The following HECW1 variants were observed in gnomAD, a reference collection of about 807,000 sequenced individuals.
The protein encoded by HECW1 is HECT, C2 and WW domain containing E3 ubiquitin protein ligase 1.
In HECW1, 61 loss-of-function variants were observed where a neutral mutation model predicts 182.3. The ratio of observed to expected loss-of-function variants is 0.33; its 90% CI spans 0.27 to 0.41. HECW1 has a LOEUF of 0.41. Ranked by LOEUF, HECW1 falls within the 10% of genes least tolerant of loss-of-function variation. HECW1 has a pLI of 1.00. For synonymous variants in HECW1, 859 were observed against 832.6 expected, an observed-to-expected ratio of 1.03 and a Z score of -0.55; for missense variants, 1,739 against 2,108.9, an observed-to-expected ratio of 0.82 and a Z score of 3.44.
Position 43,508,002 on chromosome 7 carries a change from C to A in HECW1, c.3753-16C>A. 1 of 1,589,670 alleles carries A rather than the reference C, an allele frequency of 6.3e-7. No homozygotes were observed. Among genetic ancestry groups the A allele is most frequent in the Non-Finnish European group, 8.6e-7 (1 of 1,157,828 alleles). ...TGACTTCAGGGCCACTGCTCACCAC[C>A]CCTTCTCCTTCTCAGGCTCATTATT... On this transcript the variant is annotated splice_polypyrimidine_tract_variant and intron_variant, in intron 22 of 29. Transcript: ENST00000395891.
chr7:43,309,686 G>C (rs1164810858), intron 3 of HECW1, among the ~76,000 whole-genome samples: 1 of 152,178 alleles, frequency 6.6e-6, no homozygotes, highest in Non-Finnish European at 1.5e-5. Flanking sequence ...CCAGTATATA[G>C]AGCACCTTTA....
At chr7:43,245,894 A>G (rs1370460471) in intron 3 of HECW1, 1 of 152,208 alleles carries the variant, frequency 6.6e-6, no homozygotes. Flanking sequence ...AAGGGAATCT[A>G]TGGCCCCATA....
At chr7:43,550,695 A>G (rs1047370839) in intron 27 of HECW1, 104 bp downstream of exon 27, 47 of 1,202,734 alleles carry the variant, frequency 3.9e-5, no homozygotes, top group Non-Finnish European at 4.8e-5. Context: ...GGTGGTGAAA[A>G]CAGAGAGGGA....
intron 5 of HECW1, among the ~76,000 whole-genome samples, chr7:43,326,489 T>A (rs1032510527): frequency 1.3e-5 from 2 of 152,150 alleles, no homozygotes; most frequent in Admixed American, 6.5e-5. Context: ...GTGATATATG[T>A]CCTCCACAAG....
chr7:43,445,741 G>A (rs2077035722), intron 11 of HECW1, among the ~76,000 whole-genome samples, 171 bp downstream of exon 11: 1 of 152,224 alleles, frequency 6.6e-6, no homozygotes, highest in Non-Finnish European at 1.5e-5. Flanking sequence ...TATGAGCATA[G>A]ATGACTGTGA....
intron 24 of HECW1, among the ~76,000 whole-genome samples, chr7:43,525,495 A>G (rs910383482): frequency 1.3e-5 from 2 of 152,344 alleles, no homozygotes; most frequent in South Asian, 2.1e-4. Flanking sequence ...TTTGACAACA[A>G]CAGAAACTGG....
intron 6 of HECW1, among the ~76,000 whole-genome samples, chr7:43,389,766 A>G (rs2074947715): frequency 6.6e-6 from 1 of 151,954 alleles, no homozygotes; most frequent in South Asian, 2.1e-4. Context: ...TCAGCCTCCC[A>G]AGTAACTGGG....
chr7:43,200,064 T>C (rs766441205), intron 2 of HECW1, among the ~76,000 whole-genome samples: 5 of 152,188 alleles, frequency 3.3e-5, no homozygotes, highest in Non-Finnish European at 5.9e-5. Flanking sequence ...AGAAAATTAC[T>C]TTTAAGGTCC....
intron 2 of HECW1, among the ~76,000 whole-genome samples, chr7:43,130,502 C>T (rs1786795463): frequency 6.6e-6 from 1 of 152,140 alleles, no homozygotes; most frequent in Non-Finnish European, 1.5e-5. Context: ...CACCATCATT[C>T]CTGACTCAGA....
At chr7:43,416,910 G>A (rs962718944) in intron 8 of HECW1, among the ~76,000 whole-genome samples, 8 of 152,106 alleles carry the variant, frequency 5.3e-5, no homozygotes, top group African/African-American at 1.9e-4. Flanking sequence ...CGCACCCACT[G>A]GCCTGCACCC....
chr7:43,310,027 T>C (rs531390687), intron 3 of HECW1, among the ~76,000 whole-genome samples: 43 of 152,364 alleles, frequency 2.8e-4, no homozygotes, highest in African/African-American at 1.0e-3. Flanking sequence ...TGTCCAGTGA[T>C]AGACCCACAG....
chr7:43,311,976 C>G lies in HECW1; in HGVS notation c.241C>G (p.Leu81Val), dbSNP rs1203159566. Residue 81 changes from leucine to valine, a missense_variant, in exon 4 of 30, where the codon CTC becomes GTC. This residue lies in a region of HECW1 where 279 missense variants were observed against 353.1 expected (regional missense o/e 0.79). Coordinates refer to ENST00000395891, the MANE Select transcript of HECW1 (RefSeq NM_015052.5). ...GGTCACCTCGGACAGCCGCTCCACG[C>G]TCATGGTCAGCAGCTCCTACTATTC... ...DLVTSDSRST[L>V]MVSSSYYSIG... The G allele has an allele frequency of 6.2e-7, 1 of 1,614,124 alleles. No homozygotes were observed. Among genetic ancestry groups the G allele is most frequent in the African/African-American group, 1.3e-5 (1 of 74,940 alleles).
chr7:43,227,239 G>A (rs893687863), intron 2 of HECW1, among the ~76,000 whole-genome samples: 1 of 152,134 alleles, frequency 6.6e-6, no homozygotes. Flanking sequence ...GAAATAATAT[G>A]TGAAGCAAAA....
intron 6 of HECW1, among the ~76,000 whole-genome samples, chr7:43,390,107 T>C (rs1293534723): frequency 6.6e-6 from 1 of 152,186 alleles, no homozygotes; most frequent in African/African-American, 2.4e-5. Context: ...AAATGCCTCA[T>C]TTTTCCAACC....
chr7:43,519,804 G>T (rs2080367352), intron 24 of HECW1, among the ~76,000 whole-genome samples: 1 of 152,122 alleles, frequency 6.6e-6, no homozygotes, highest in Non-Finnish European at 1.5e-5. Context: ...CATGAAAAAC[G>T]CAATTCAAAA....
chr7:43,277,889 G>A (rs1803365465), intron 3 of HECW1, among the ~76,000 whole-genome samples: 1 of 152,172 alleles, frequency 6.6e-6, no homozygotes, highest in Non-Finnish European at 1.5e-5. Context: ...GCAGCTTGAT[G>A]TGCTTCCAGG....
At chr7:43,199,699 CAT>C (rs1159886872) in intron 2 of HECW1, among the ~76,000 whole-genome samples, 8 of 152,056 alleles carry the variant, frequency 5.3e-5, no homozygotes, top group African/African-American at 1.2e-4. Flanking sequence ...ATTGATTACA[CAT>C]GTTATATATT....
chr7:43,193,946 CAAA>C (rs1260005067), intron 2 of HECW1, among the ~76,000 whole-genome samples: 1 of 152,114 alleles, frequency 6.6e-6, no homozygotes, highest in Non-Finnish European at 1.5e-5. Context: ...CAAAATATGT[CAAA>C]AAAGATATTT....
At position 43,360,868 on chromosome 7, in the gene HECW1, T is replaced by A; in HGVS notation, c.461-18T>A. The A allele has an allele frequency of 6.2e-7, 1 of 1,602,964 alleles. No individual in the cohort carries two copies. Among genetic ancestry groups the A allele is most frequent in the Middle Eastern group, 1.7e-4 (1 of 6,036 alleles). ...GTTACACCCTACTTCTCAGTCTCAT[T>A]TTTTGTTTGTCTTTCAGCTGAAACT... On this transcript the variant is annotated intron_variant, in intron 5 of 29. Transcript: ENST00000395891.
Sources: allele counts gnomAD v4.1 joint callset (sites outside exome capture counted in the v4.1 genomes callset), GRCh38; gene constraint gnomAD v4.1.1; regional missense constraint gnomAD v4.1.1; transcripts MANE v1.5; gene names NCBI Gene and HGNC (gene_info 2026-07-23, HGNC 2026-07-21).